The following NRXN3 variants were observed in gnomAD, a reference collection of about 807,000 sequenced individuals.
NRXN3 encodes the protein neurexin 3.
NRXN3 carries 32 observed loss-of-function variants against 137.6 expected under a neutral mutation model. The observed-to-expected ratio is 0.23, with a 90% CI of 0.18 to 0.31. NRXN3 has a LOEUF of 0.31. Ranked by LOEUF, NRXN3 falls within the 10% of genes least tolerant of loss-of-function variation. The pLI is 1.00. For synonymous variants in NRXN3, 798 were observed against 784.5 expected, an observed-to-expected ratio of 1.02 and a Z score of -0.29; for missense variants, 1,574 against 2,062.5, an observed-to-expected ratio of 0.76 and a Z score of 4.59.
At chr14:78,909,906 A>C (rs1436607070) in intron 10 of NRXN3, among the ~76,000 whole-genome samples, 1 of 152,092 alleles carries the variant, frequency 6.6e-6, no homozygotes, top group Non-Finnish European at 1.5e-5. Context: ...CTACACACCC[A>C]TGCATCTACT....
chr14:79,844,519 C>T (rs552458247), intron 20 of NRXN3, among the ~76,000 whole-genome samples: 93 of 152,030 alleles, frequency 6.1e-4, no homozygotes, highest in African/African-American at 2.1e-3. Context: ...TTAGCAGGCA[C>T]GAAAACAATG....
chr14:78,881,506 T>C (rs2099129054), intron 10 of NRXN3, among the ~76,000 whole-genome samples: 1 of 151,618 alleles, frequency 6.6e-6, no homozygotes, highest in African/African-American at 2.4e-5. Flanking sequence ...TAAAGGTGAC[T>C]CTTGCTATGC....
chr14:79,358,589 A>G lies in NRXN3; in HGVS notation c.3263-108632A>G, dbSNP rs1566901733. On this transcript the variant is annotated intron_variant, in intron 15 of 20. Coordinates refer to ENST00000335750, the MANE Select transcript of NRXN3 (RefSeq NM_001330195.2). ...AAAAAAAAAAAGAAAGAAAGAGAGAAAGAAAGAAAGAAAGAAAGAGAAAGA... is the reference window on the plus strand; with the variant it reads ...AAAAAAAAAAAGAAAGAAAGAGAGAGAGAAAGAAAGAAAGAAAGAGAAAGA... Among the ~76,000 whole-genome samples the G allele has an allele frequency of 4.9e-5, 5 of 102,082 alleles. No homozygotes were observed. The South Asian group carries it at 1.2e-3, about 25-fold the overall frequency. 67.0% of individuals were successfully genotyped at this position (102,082 alleles called of 152,430 possible). A position where few individuals can be genotyped will look rare whatever the true frequency, so the allele number is the denominator to read the frequency against.
intron 15 of NRXN3, among the ~76,000 whole-genome samples, chr14:78,992,223 A>T (rs1179023604): frequency 6.6e-6 from 1 of 152,176 alleles, no homozygotes; most frequent in African/African-American, 2.4e-5. Context: ...ATCCCAGAAG[A>T]AATGTTGAGT....
chr14:78,456,027 C>T (rs1329674570), intron 4 of NRXN3, among the ~76,000 whole-genome samples: 1 of 152,188 alleles, frequency 6.6e-6, no homozygotes, highest in Non-Finnish European at 1.5e-5. Flanking sequence ...CCCTGACCAT[C>T]TAAACACACA....
intron 4 of NRXN3, among the ~76,000 whole-genome samples, chr14:78,344,028 A>G (rs1179831703): frequency 1.3e-5 from 2 of 152,180 alleles, no homozygotes; most frequent in Non-Finnish European, 2.9e-5. Context: ...CAACGTCTGC[A>G]GTGGGTGGCT....
intron 15 of NRXN3, among the ~76,000 whole-genome samples, chr14:79,306,363 C>T (rs2086066423): frequency 6.6e-6 from 1 of 151,996 alleles, no homozygotes; most frequent in Non-Finnish European, 1.5e-5. Flanking sequence ...ATGTCCCTTC[C>T]CCTCAACATC....
intron 4 of NRXN3, among the ~76,000 whole-genome samples, chr14:78,365,405 C>A (rs1172482223): frequency 6.6e-6 from 1 of 152,200 alleles, no homozygotes; most frequent in African/African-American, 2.4e-5. Context: ...TGCAGACATT[C>A]AGATCCTAGA....
intron 4 of NRXN3, among the ~76,000 whole-genome samples, chr14:78,439,169 TA>T (rs1009545025): frequency 6.6e-6 from 1 of 151,540 alleles, no homozygotes; most frequent in Non-Finnish European, 1.5e-5. Flanking sequence ...TGAAGATAGT[TA>T]AAAAAAATGA....
intron 1 of NRXN3, among the ~76,000 whole-genome samples, chr14:78,188,196 T>C (rs1268669000): frequency 6.6e-6 from 1 of 152,138 alleles, no homozygotes; most frequent in African/African-American, 2.4e-5. Flanking sequence ...ATAGGATACT[T>C]GTGTTTAGAA....
chr14:79,338,002 A>C (rs2092372649), intron 15 of NRXN3, among the ~76,000 whole-genome samples: 1 of 152,040 alleles, frequency 6.6e-6, no homozygotes, highest in African/African-American at 2.4e-5. Flanking sequence ...TGTCCTGTCT[A>C]TGCTGGGGAA....
At chr14:78,599,292 A>G (rs1386048118) in intron 4 of NRXN3, among the ~76,000 whole-genome samples, 2 of 152,384 alleles carry the variant, frequency 1.3e-5, no homozygotes, top group East Asian at 1.9e-4. Context: ...CTTTCCACCT[A>G]CAGACATTTA....
chr14:79,749,253 C>T (rs970187524), intron 19 of NRXN3, among the ~76,000 whole-genome samples: 1 of 152,084 alleles, frequency 6.6e-6, no homozygotes, highest in Non-Finnish European at 1.5e-5. Flanking sequence ...AATGTGTGTG[C>T]TCACATTTGT....
intron 19 of NRXN3, among the ~76,000 whole-genome samples, chr14:79,767,926 G>A (rs564400997): frequency 1.3e-5 from 2 of 152,320 alleles, no homozygotes; most frequent in South Asian, 2.1e-4. Context: ...CACCGTGCGC[G>A]AGCCAAAGCA....
At chr14:79,617,308 G>T (rs764521006) in intron 16 of NRXN3, among the ~76,000 whole-genome samples, 1 of 151,188 alleles carries the variant, frequency 6.6e-6, no homozygotes, top group Non-Finnish European at 1.5e-5. Context: ...TTACCCAATG[G>T]CTTTTCAAAA....
intron 4 of NRXN3, among the ~76,000 whole-genome samples, chr14:78,298,678 G>A (rs139146459): frequency 4.5e-4 from 69 of 152,300 alleles, no homozygotes; most frequent in Non-Finnish European, 7.8e-4. Context: ...TTCAATTGCT[G>A]CTATTGTGTT....
intron 15 of NRXN3, among the ~76,000 whole-genome samples, chr14:79,332,884 T>C (rs2091885044): frequency 6.6e-6 from 1 of 152,214 alleles, no homozygotes; most frequent in Non-Finnish European, 1.5e-5. Flanking sequence ...TAGGAAATAC[T>C]AAGTGGGGTG....
chr14:79,025,492 A>C lies in NRXN3; in HGVS notation c.3262+37351A>C, dbSNP rs547522811. 2.0e-5 allele frequency among the ~76,000 whole-genome samples: 3 copies of C among 152,198 alleles called. No individual in the cohort carries two copies. In the South Asian group the frequency reaches 6.2e-4, roughly 32 times the overall value. On this transcript the variant is annotated intron_variant, in intron 15 of 20. Transcript: ENST00000335750. Reference sequence around the variant, plus strand: ...GTGTTCCCCCGATACCTTGTCTCAAACTGTATGCCCTACTAAAAGGGCCTC... The same window carrying C: ...GTGTTCCCCCGATACCTTGTCTCAACCTGTATGCCCTACTAAAAGGGCCTC...
chr14:78,392,914 A>G (rs2090966099), intron 4 of NRXN3, among the ~76,000 whole-genome samples: 1 of 152,140 alleles, frequency 6.6e-6, no homozygotes, highest in Non-Finnish European at 1.5e-5. Flanking sequence ...ATAGGATAAT[A>G]GATTTACTGC....
Sources: allele counts gnomAD v4.1 joint callset (sites outside exome capture counted in the v4.1 genomes callset), GRCh38; gene constraint gnomAD v4.1.1; transcripts MANE v1.5; gene names NCBI Gene and HGNC (gene_info 2026-07-23, HGNC 2026-07-21).